Variants in RBM6 observed in about 807,000 individuals in gnomAD.
The protein encoded by RBM6 is RNA-binding protein 6.
RBM6 carries 23 observed loss-of-function variants against 140.4 expected under a neutral mutation model. The observed-to-expected ratio is 0.16, with a 90% CI of 0.12 to 0.23. The LOEUF (loss-of-function observed/expected upper bound fraction) is 0.23, where lower values mean the gene tolerates loss of function less well. RBM6 is among the 10% of genes least tolerant of loss of function. RBM6 has a pLI of 1.00. For synonymous variants in RBM6, 439 were observed against 475.6 expected (o/e 0.92, Z 1.00); for missense variants, 1,139 against 1,386.7 (o/e 0.82, Z 2.84).
At chr3:49,951,393 A>G (rs536922730) in intron 1 of RBM6, among the ~76,000 whole-genome samples, 35 of 150,330 alleles carry the variant, frequency 2.3e-4, no homozygotes, top group East Asian at 9.8e-4. Flanking sequence ...GTGTGTGTGT[A>G]TATGTGTGTG....
chr3:49,984,606 A>G (rs368636424), intron 5 of RBM6, among the ~76,000 whole-genome samples: 1,601 of 98,916 alleles, frequency 0.016, 19 homozygotes, highest in East Asian at 0.019. Context: ...ACATCACATC[A>G]CATCACATCG....
chr3:50,004,139 T>A (rs550589751), intron 6 of RBM6, among the ~76,000 whole-genome samples: 90 of 152,358 alleles, frequency 5.9e-4, no homozygotes, highest in Middle Eastern at 3.4e-3. Context: ...TTCTCAAGTA[T>A]GCTGGTGTGA....
intron 6 of RBM6, among the ~76,000 whole-genome samples, chr3:50,006,856 T>C (rs1459553116): frequency 6.8e-6 from 1 of 147,646 alleles, no homozygotes; most frequent in Non-Finnish European, 1.5e-5. Flanking sequence ...TGGCGTGAAC[T>C]GGGAGGCGGA....
intron 2 of RBM6, 109 bp downstream of exon 2, chr3:49,962,794 G>A: frequency 8.3e-7 from 1 of 1,209,666 alleles, no homozygotes; most frequent in Non-Finnish European, 1.1e-6. Flanking sequence ...AATAGTTTCT[G>A]ATTTTTTAAA....
intron 2 of RBM6, among the ~76,000 whole-genome samples, chr3:49,965,922 T>A (rs1244836552): frequency 1.3e-5 from 2 of 152,040 alleles, no homozygotes; most frequent in East Asian, 3.9e-4. Flanking sequence ...GGTCAAGAGT[T>A]CAAGACCAGC....
intron 1 of RBM6, among the ~76,000 whole-genome samples, chr3:49,952,854 C>T (rs1454148598): frequency 1.3e-5 from 2 of 152,120 alleles, no homozygotes; most frequent in Admixed American, 6.6e-5. Flanking sequence ...AGATACAAGT[C>T]ACTTACCAAA....
intron 5 of RBM6, among the ~76,000 whole-genome samples, chr3:49,985,184 CAA>C (rs1406286904): frequency 5.9e-5 from 9 of 152,142 alleles, no homozygotes; most frequent in Admixed American, 5.9e-4. Flanking sequence ...GCTACAGTGA[CAA>C]GAAGAAAAGG....
rs139525742 is a variant in RBM6, at chr3:49,972,138, C to T, written c.1403C>T (p.Thr468Ile). 2.2e-5 allele frequency: 36 copies of T among 1,609,962 alleles called. No homozygotes were observed. The highest frequency in any genetic ancestry group is 3.0e-5 in the Non-Finnish European group (35 of 1,176,666). The change falls in exon 4 of 21, where the codon ACA becomes ATA. Residue 468 changes from threonine (T) to isoleucine (I), a missense_variant. Coordinates refer to ENST00000266022, the MANE Select transcript of RBM6 (RefSeq NM_005777.3). Reference protein sequence around the residue: ...IRLSGVPEDATKEEILNAFRT... With the variant: ...IRLSGVPEDAIKEEILNAFRT... Reference sequence around the variant, plus strand: ...TTAAGTGGGGTACCTGAAGATGCCACAAAAGAAGAGGTAAGGCATGTCTTC... The same window carrying T: ...TTAAGTGGGGTACCTGAAGATGCCATAAAAGAAGAGGTAAGGCATGTCTTC...
chr3:50,066,623 T>A, intron 17 of RBM6, 121 bp downstream of exon 17: 2 of 1,258,122 alleles, frequency 1.6e-6, no homozygotes, highest in Non-Finnish European at 2.2e-6. Flanking sequence ...GGCTCAGAAG[T>A]ACAAGACCAG....
intron 7 of RBM6, among the ~76,000 whole-genome samples, chr3:50,050,032 A>G (rs1370292559): frequency 6.7e-6 from 1 of 149,980 alleles, no homozygotes; most frequent in Non-Finnish European, 1.5e-5. Flanking sequence ...ACAGGATCTC[A>G]CTCTTGTTTC....
At chr3:49,956,741 C>T (rs1318285435) in intron 1 of RBM6, among the ~76,000 whole-genome samples, 4 of 152,072 alleles carry the variant, frequency 2.6e-5, no homozygotes, top group African/African-American at 9.7e-5. Context: ...TCTCAGCTCA[C>T]CGCAGCCTCC....
At chr3:50,010,947 A>G (rs1413392313) in intron 6 of RBM6, among the ~76,000 whole-genome samples, 2 of 150,940 alleles carry the variant, frequency 1.3e-5, no homozygotes, top group Non-Finnish European at 2.9e-5. Context: ...TTCCAGCACA[A>G]TGGGAATGAG....
At chr3:50,066,779 G>A (rs1369119361) in intron 17 of RBM6, among the ~76,000 whole-genome samples, 4 of 152,030 alleles carry the variant, frequency 2.6e-5, no homozygotes, top group African/African-American at 9.7e-5. Flanking sequence ...AGTGAGCCGA[G>A]ATCGTGCCAC....
chr3:50,012,879 A>T (rs1416250382), intron 6 of RBM6, among the ~76,000 whole-genome samples: 1 of 151,278 alleles, frequency 6.6e-6, no homozygotes, highest in Non-Finnish European at 1.5e-5. Flanking sequence ...AGTAATTGGG[A>T]TTACAGCCAT....
chr3:49,983,926 A>G (rs2085424813), intron 5 of RBM6, among the ~76,000 whole-genome samples: 1 of 152,162 alleles, frequency 6.6e-6, no homozygotes, highest in South Asian at 2.1e-4. Context: ...GATCCTGGTG[A>G]GAGAGGTCCT....
At chr3:50,006,434 C>A (rs1046004432) in intron 6 of RBM6, among the ~76,000 whole-genome samples, 3 of 151,918 alleles carry the variant, frequency 2.0e-5, no homozygotes, top group African/African-American at 7.3e-5. Flanking sequence ...CTGTGCCCAG[C>A]CCAGTGATTG....
In RBM6 at chr3:50,054,406, A is replaced by G; in HGVS notation, c.1693+11A>G. ...AGAACCCAAGAGAAGGTGAGTGGCG[A>G]AAGTGGTAGCAGTTTTTATCTCGTG... On this transcript the variant is annotated intron_variant, in intron 8 of 20. Coordinates refer to ENST00000266022, the MANE Select transcript of RBM6 (RefSeq NM_005777.3). 1 of 1,605,086 alleles carries G rather than the reference A, an allele frequency of 6.2e-7. No homozygotes were observed. The highest frequency in any genetic ancestry group is 1.1e-5 in the South Asian group (1 of 90,916).
At chr3:50,065,611 C>G (rs1303425386) in intron 16 of RBM6, 2 of 456,980 alleles carry the variant, frequency 4.4e-6, no homozygotes, top group African/African-American at 2.0e-5. Flanking sequence ...ACCTAATCAC[C>G]AGTGATTCTG....
intron 8 of RBM6, among the ~76,000 whole-genome samples, chr3:50,056,969 T>C (rs2089726728): frequency 6.6e-6 from 1 of 152,212 alleles, no homozygotes; most frequent in Non-Finnish European, 1.5e-5. Context: ...GTTTGAGCAC[T>C]GTAACACTGG....
Sources: allele counts gnomAD v4.1 joint callset (sites outside exome capture counted in the v4.1 genomes callset), GRCh38; gene constraint gnomAD v4.1.1; transcripts MANE v1.5; gene names NCBI Gene and HGNC (gene_info 2026-07-23, HGNC 2026-07-21).